The following DDI2 variants were observed in gnomAD, a reference collection of about 807,000 sequenced individuals.
The protein encoded by DDI2 is protein DDI1 homolog 2.
Under a neutral mutation model 48.1 loss-of-function variants are expected in DDI2, and 5 were observed. The observed-to-expected ratio is 0.10, with a 90% CI of 0.05 to 0.22. The LOEUF (loss-of-function observed/expected upper bound fraction) is 0.22. Ranked by LOEUF, DDI2 falls within the 10% of genes least tolerant of loss-of-function variation. DDI2 has a pLI of 1.00. For synonymous variants in DDI2, 205 were observed against 183.6 expected (o/e 1.12, Z -0.94); for missense variants, 285 against 506.2 (o/e 0.56, Z 4.19).
At chr1:15,636,516 A>G (rs1570975490) in intron 4 of DDI2, among the ~76,000 whole-genome samples, 1 of 150,150 alleles carries the variant, frequency 6.7e-6, no homozygotes, top group Non-Finnish European at 1.5e-5. Context: ...TCTGTCGTCC[A>G]GGCTGGAGTG....
intron 3 of DDI2, among the ~76,000 whole-genome samples, chr1:15,633,103 AT>A: frequency 6.6e-6 from 1 of 151,444 alleles, no homozygotes. Context: ...TAATTTTTAT[AT>A]TTTTTGTAGA....
chr1:15,643,456 T>A, intron 5 of DDI2, 66 bp from the exon 6 acceptor site: 1 of 1,586,550 alleles, frequency 6.3e-7, no homozygotes, highest in Non-Finnish European at 8.6e-7. Context: ...TATTTAGTGC[T>A]ATATTTTGAG....
intron 4 of DDI2, 119 bp downstream of exon 4, chr1:15,633,684 T>C (rs1396656766): frequency 6.2e-6 from 9 of 1,459,914 alleles, no homozygotes; most frequent in African/African-American, 1.4e-5. Context: ...GCAGTTGAGA[T>C]AGTAACCTCA....
intron 1 of DDI2, 25 bp downstream of exon 1, chr1:15,617,833 T>C: frequency 6.4e-7 from 1 of 1,560,412 alleles, no homozygotes; most frequent in Non-Finnish European, 8.7e-7. Flanking sequence ...GAGCCGGGCC[T>C]GCCCCGGAGC....
rs1640464408 is a variant in DDI2, at chr1:15,667,079, T to G, written c.*7289T>G. ...AAAATTAGCCGGGCATGGTGGCACA[T>G]GCCTGTAGTCCCAGCTACTCGGGAA... is the stretch of plus-strand genomic sequence containing the variant. On this transcript the variant is annotated 3_prime_UTR_variant, in exon 10 of 10. Transcript: ENST00000480945. The G allele has an allele frequency of 6.6e-6, 1 of 152,052 alleles. No individual in the cohort carries two copies. The highest frequency in any genetic ancestry group is 2.4e-5 in the African/African-American group (1 of 41,350). 9.4% of individuals were successfully genotyped at this position (152,052 alleles called of 1,614,324 possible). A position where few individuals can be genotyped will look rare whatever the true frequency, so the allele number is the denominator to read the frequency against.
At chr1:15,618,830 CCAT>C (rs1639607947) in intron 1 of DDI2, among the ~76,000 whole-genome samples, 2 of 152,206 alleles carry the variant, frequency 1.3e-5, no homozygotes, top group African/African-American at 4.8e-5. Flanking sequence ...TCCCAAGTCT[CCAT>C]CAAGTAAATC....
rs1448537958 is a variant in DDI2 at position 15,665,828 on chromosome 1, A to C, written c.*6038A>C. The stretch of plus-strand genomic sequence containing the variant: ...CTGTTTGCCACCTGTGGTGAGGGTG[A>C]GCAGGATGATTGAACTGCTGCATAT... On this transcript the variant is annotated 3_prime_UTR_variant, in exon 10 of 10. Transcript: ENST00000480945. 1 of 152,166 alleles carries C rather than the reference A, an allele frequency of 6.6e-6. No individual in the cohort carries two copies. Among genetic ancestry groups the C allele is most frequent in the African/African-American group, 2.4e-5 (1 of 41,446 alleles). 9.4% of individuals were successfully genotyped at this position (152,166 alleles called of 1,614,324 possible).
chr1:15,617,565 C>A lies in DDI2; in HGVS notation c.-106C>A. 1 of 977,902 alleles carries A rather than the reference C, an allele frequency of 1.0e-6. No homozygotes were observed. The highest frequency in any genetic ancestry group is 1.3e-6 in the Non-Finnish European group (1 of 755,502). The allele number at this position is 977,902 out of a possible 1,614,324, so 60.6% of individuals were successfully genotyped here. A position where few individuals can be genotyped will look rare whatever the true frequency, so the allele number is the denominator to read the frequency against. Reference sequence around the variant, plus strand: ...GGGAGCGAGCGAGCGAACGAGCAGCCGGCGCCGTCCTCCCGCAGCACCAGC... The same window carrying A: ...GGGAGCGAGCGAGCGAACGAGCAGCAGGCGCCGTCCTCCCGCAGCACCAGC... On this transcript the variant is annotated 5_prime_UTR_variant, in exon 1 of 10. Coordinates refer to ENST00000480945, the MANE Select transcript of DDI2 (RefSeq NM_032341.5).
At chr1:15,643,783 T>C (rs1640045119) in intron 6 of DDI2, 133 bp downstream of exon 6, 4 of 1,291,930 alleles carry the variant, frequency 3.1e-6, no homozygotes, top group African/African-American at 3.0e-5. Flanking sequence ...TGTGTGGGTA[T>C]GTCTGAGCTA....
At chr1:15,646,498 C>G (rs912390282) in intron 6 of DDI2, among the ~76,000 whole-genome samples, 2 of 152,088 alleles carry the variant, frequency 1.3e-5, no homozygotes, top group Admixed American at 1.3e-4. Context: ...ACCAGCCTGG[C>G]CAACATGGTG....
Position 15,659,870 on chromosome 1 carries a change from T to C in DDI2, c.*80T>C, listed in dbSNP as rs35040685. 1.4e-3 allele frequency: 2,118 copies of C among 1,566,276 alleles called. 30 individuals carry two copies. The African/African-American group carries it at 0.025, about 19-fold the overall frequency. ...GGTAAAGAATCTACCTCACTGGGAA[T>C]GTCATCATTACCAACTTCAGATGGG... On this transcript the variant is annotated 3_prime_UTR_variant, in exon 10 of 10. Coordinates refer to ENST00000480945, the MANE Select transcript of DDI2 (RefSeq NM_032341.5).
chr1:15,622,232 A>G (rs1639677521), intron 1 of DDI2, among the ~76,000 whole-genome samples: 1 of 137,358 alleles, frequency 7.3e-6, no homozygotes, highest in Non-Finnish European at 1.5e-5. Context: ...AGGTCTTGCC[A>G]GTGCTAGGCT....
intron 1 of DDI2, among the ~76,000 whole-genome samples, chr1:15,618,793 C>T (rs1470751476): frequency 1.3e-5 from 2 of 152,324 alleles, no homozygotes; most frequent in Admixed American, 1.3e-4. Flanking sequence ...AGGAAATAGT[C>T]TAAACATTAA....
rs754462646 is a variant in DDI2 at position 15,660,854 on chromosome 1, A to G, written c.*1064A>G. On this transcript the variant is annotated 3_prime_UTR_variant, in exon 10 of 10. Transcript: ENST00000480945. ...GGAACAAATAAAGAATATGGCCATT[A>G]CTCCTCTCCAAGTCTCTGTGGCAGT... The G allele has an allele frequency of 2.5e-6, 4 of 1,613,778 alleles. No homozygotes were observed. In the Admixed American group the frequency reaches 6.7e-5, roughly 27 times the overall value.
intron 8 of DDI2, among the ~76,000 whole-genome samples, chr1:15,655,759 A>G (rs1436982130): frequency 6.6e-6 from 1 of 150,958 alleles, no homozygotes. Context: ...TCTCAAAAAA[A>G]AAAAAAAAGA....
intron 4 of DDI2, chr1:15,633,907 A>G: frequency 2.3e-6 from 1 of 436,140 alleles, no homozygotes; most frequent in Non-Finnish European, 4.5e-6. Context: ...GTTGCATATT[A>G]CATGGGCTGA....
rs1639760753 is a variant in DDI2, at chr1:15,626,737, G to A, written c.207G>A (p.Gly69=). 3 of 1,614,064 alleles carry A rather than the reference G, an allele frequency of 1.9e-6. No homozygotes were observed. Among genetic ancestry groups the A allele is most frequent in the Non-Finnish European group, 2.5e-6 (3 of 1,180,054 alleles). ...RSLASYGLKD[G]DVVILRQKEN... Reference sequence around the variant, plus strand: ...TGGCTTCTTATGGCTTGAAAGATGGGGACGTTGTGATTTTACGACAGAAGG... The same window carrying A: ...TGGCTTCTTATGGCTTGAAAGATGGAGACGTTGTGATTTTACGACAGAAGG... Residue 69 remains glycine, a synonymous_variant, in exon 2 of 10, where the codon GGG becomes GGA. Transcript: ENST00000480945.
rs118187152 is a variant in DDI2, at chr1:15,661,707, C to T, written c.*1917C>T. The T allele has an allele frequency of 2.6e-5, 42 of 1,610,388 alleles. 1 individual carries two copies. In the East Asian group the frequency reaches 8.7e-4, roughly 33 times the overall value. On this transcript the variant is annotated 3_prime_UTR_variant, in exon 10 of 10. Transcript: ENST00000480945. ...TTCTTGTTTTGCTCGCAAAAAACAT[C>T]GTAGTTCCTACATGACTGTGGGAAA...
At chr1:15,622,611 A>G (rs1307213912) in intron 1 of DDI2, among the ~76,000 whole-genome samples, 3 of 152,040 alleles carry the variant, frequency 2.0e-5, no homozygotes, top group Non-Finnish European at 4.4e-5. Context: ...TGGGCTTTGT[A>G]GCTGTTGAGT....
Sources: allele counts gnomAD v4.1 joint callset (sites outside exome capture counted in the v4.1 genomes callset), GRCh38; gene constraint gnomAD v4.1.1; transcripts MANE v1.5; gene names NCBI Gene and HGNC (gene_info 2026-07-23, HGNC 2026-07-21).